Variants in NXPE2 observed in about 807,000 individuals in gnomAD.
NXPE2 encodes NXPE family member 2.
In NXPE2, 34 loss-of-function variants were observed where a neutral mutation model predicts 34.4. The ratio of observed to expected loss-of-function variants is 0.99; its 90% CI spans 0.75 to 1.31. NXPE2 has a LOEUF of 1.31. Ranked by LOEUF, NXPE2 falls within the 40% of genes most tolerant of loss-of-function variation. The pLI, the probability that NXPE2 is intolerant of heterozygous loss-of-function variation, is 0.00. For missense variants in NXPE2, 649 were observed against 672.5 expected, an observed-to-expected ratio of 0.97 and a Z score of 0.39; for synonymous variants, 235 against 231.3, an observed-to-expected ratio of 1.02 and a Z score of -0.15.
the NXPE2 span, among the ~76,000 whole-genome samples, chr11:114,525,481 T>A: frequency 6.6e-6 from 1 of 151,986 alleles, no homozygotes; most frequent in Non-Finnish European, 1.5e-5. Flanking sequence ...CAGAGCCGGG[T>A]CCCAGAAGGG....
chr11:114,673,143 T>C, the NXPE2 span, among the ~76,000 whole-genome samples: 1 of 149,736 alleles, frequency 6.7e-6, no homozygotes, highest in Non-Finnish European at 1.5e-5. Context: ...TGTGGCTATA[T>C]GGAATGAAAT....
At chr11:114,648,062 C>T in the NXPE2 span, among the ~76,000 whole-genome samples, 1 of 152,048 alleles carries the variant, frequency 6.6e-6, no homozygotes, top group Admixed American at 6.6e-5. Context: ...GTATATAAGA[C>T]ATATATTGAG....
chr11:114,812,082 G>A, the NXPE2 span, among the ~76,000 whole-genome samples: 3 of 152,310 alleles, frequency 2.0e-5, no homozygotes, highest in African/African-American at 7.2e-5. Flanking sequence ...ATCCAGATTA[G>A]CGTTGAGAGC....
the NXPE2 span, among the ~76,000 whole-genome samples, chr11:114,756,287 GGTCCCAGCCTT>G: frequency 6.6e-6 from 1 of 152,170 alleles, no homozygotes; most frequent in Non-Finnish European, 1.5e-5. Context: ...CCTGGGCACA[GGTCCCAGCCTT>G]GCCATTGATT....
At chr11:114,656,831 G>C in the NXPE2 span, among the ~76,000 whole-genome samples, 1 of 152,052 alleles carries the variant, frequency 6.6e-6, no homozygotes, top group Non-Finnish European at 1.5e-5. Context: ...TCAAATTACT[G>C]CCTGTAATCC....
At chr11:114,550,140 C>T in the NXPE2 span, among the ~76,000 whole-genome samples, 1 of 151,930 alleles carries the variant, frequency 6.6e-6, no homozygotes, top group African/African-American at 2.4e-5. Flanking sequence ...TTTAGTCTTC[C>T]AAGGTTAACT....
chr11:114,600,288 A>T, the NXPE2 span, among the ~76,000 whole-genome samples: 21,790 of 152,164 alleles, frequency 0.14, 1,911 homozygotes, highest in East Asian at 0.37. Flanking sequence ...ATAATCTGCC[A>T]GCCTTTTCTA....
the NXPE2 span, among the ~76,000 whole-genome samples, chr11:114,641,762 A>T: frequency 2.6e-5 from 4 of 152,234 alleles, no homozygotes; most frequent in African/African-American, 9.6e-5. Context: ...AGTACATTTG[A>T]TCAAGGGGAA....
the NXPE2 span, among the ~76,000 whole-genome samples, chr11:114,485,418 C>T: frequency 1.7e-5 from 2 of 114,628 alleles, no homozygotes; most frequent in Non-Finnish European, 3.4e-5. Context: ...TAAGTAGAGA[C>T]GGGGTTTCAC....
At chr11:114,678,097 C>T (rs1950878671), upstream of NXPE2, among the ~76,000 whole-genome samples, 1 of 152,076 alleles carries the variant, frequency 6.6e-6, no homozygotes, top group Non-Finnish European at 1.5e-5. Flanking sequence ...ACAAAGAAAG[C>T]ACTCCAAAAA....
At chr11:114,668,697 T>C in the NXPE2 span, among the ~76,000 whole-genome samples, 1 of 152,092 alleles carries the variant, frequency 6.6e-6, no homozygotes, top group East Asian at 1.9e-4. Context: ...CTTATCTTTA[T>C]ATTTTCTTCA....
chr11:114,465,501 A>G, the NXPE2 span, among the ~76,000 whole-genome samples: 1 of 152,156 alleles, frequency 6.6e-6, no homozygotes, highest in Admixed American at 6.5e-5. Flanking sequence ...AAGGGCATCA[A>G]AATCAGGATA....
the NXPE2 span, among the ~76,000 whole-genome samples, chr11:114,622,062 G>A: frequency 6.6e-6 from 1 of 152,104 alleles, no homozygotes; most frequent in African/African-American, 2.4e-5. Flanking sequence ...TCCTTCATGG[G>A]TAACCACTGT....
chr11:114,702,563 G>T (rs2135568186), intron 3 of NXPE2, among the ~76,000 whole-genome samples: 1 of 152,286 alleles, frequency 6.6e-6, no homozygotes, highest in South Asian at 2.1e-4. Flanking sequence ...TATGTTAGAT[G>T]CCTCCCTTGT....
the NXPE2 span, among the ~76,000 whole-genome samples, chr11:114,523,312 C>A: frequency 6.8e-3 from 1,029 of 152,168 alleles, 14 homozygotes; most frequent in African/African-American, 0.022. Flanking sequence ...TGTCTAATTC[C>A]TTTCCTCCTA....
At chr11:114,742,058 G>C in the NXPE2 span, among the ~76,000 whole-genome samples, 1 of 152,060 alleles carries the variant, frequency 6.6e-6, no homozygotes, top group Non-Finnish European at 1.5e-5. Flanking sequence ...CCTCTTGGTG[G>C]GAATTCTAAG....
the NXPE2 span, among the ~76,000 whole-genome samples, chr11:114,633,771 A>G: frequency 6.6e-6 from 1 of 151,968 alleles, no homozygotes; most frequent in East Asian, 1.9e-4. Context: ...AATTTCATCC[A>G]TGTCCCTAGA....
the NXPE2 span, among the ~76,000 whole-genome samples, chr11:114,627,891 T>A: frequency 8.0e-3 from 1,219 of 151,474 alleles, 17 homozygotes; most frequent in African/African-American, 0.028. Context: ...TAAAACAGAC[T>A]TTAAACCAAC....
At chr11:114,520,700 G>A in the NXPE2 span, among the ~76,000 whole-genome samples, 4 of 152,138 alleles carry the variant, frequency 2.6e-5, no homozygotes, top group African/African-American at 7.2e-5. Flanking sequence ...CATAATGGCT[G>A]TACCAACTTA....
Sources: gnomAD v4.1 joint callset for allele counts (sites outside exome capture counted in the v4.1 genomes callset) on GRCh38, gnomAD v4.1.1 for gene constraint, MANE v1.5 for transcripts, NCBI Gene and HGNC (gene_info 2026-07-23, HGNC 2026-07-21) for gene names.